Variants in ZNF444 observed in about 807,000 individuals in gnomAD.
ZNF444 encodes the protein zinc finger protein 444.
In ZNF444, 8 loss-of-function variants were observed where a neutral mutation model predicts 14.4. The observed-to-expected ratio is 0.56, with a 90% CI of 0.33 to 1.00. The LOEUF (loss-of-function observed/expected upper bound fraction) is 1.00. Ranked by LOEUF, ZNF444 falls within the 50% of genes least tolerant of loss-of-function variation. ZNF444 has a pLI of 0.03. For missense variants in ZNF444, 510 were observed against 504.8 expected (o/e 1.01, Z -0.10); for synonymous variants, 258 against 235.9 (o/e 1.09, Z -0.86).
At chr19:56,140,902 C>G (rs2030753350), upstream of ZNF444, 1 of 152,358 alleles carries the variant, frequency 6.6e-6, no homozygotes, top group Non-Finnish European at 1.5e-5. Context: ...TTTCCCGGCA[C>G]TTCTGCGCAT....
At chr19:56,148,204 T>G (rs973234191) in intron 3 of ZNF444, among the ~76,000 whole-genome samples, 4 of 151,948 alleles carry the variant, frequency 2.6e-5, no homozygotes, top group Admixed American at 2.0e-4. Flanking sequence ...GGGGCCTGGG[T>G]GATGAGCGGT....
chr19:56,153,717 A>G (rs960057154), intron 3 of ZNF444, among the ~76,000 whole-genome samples: 1 of 152,160 alleles, frequency 6.6e-6, no homozygotes, highest in Non-Finnish European at 1.5e-5. Flanking sequence ...GAGAAAAGCC[A>G]GTGGGGTAGG....
rs770557800 is a variant in ZNF444 at position 56,159,744 on chromosome 19, C to T, written c.527C>T (p.Pro176Leu). Residue 176 changes from proline (P) to leucine (L), a missense_variant, in exon 5 of 5, where the codon CCG becomes CTG. Physicochemically the swap from Pro to Leu is moderately conservative, Grantham distance 98. Coordinates refer to ENST00000337080, the MANE Select transcript of ZNF444 (RefSeq NM_018337.4). ...GGCCTGCCCGCCTTCCTAGCGGCCC[C>T]GGGCACCACGTCCTGCCCCGAGTGC... ...APGLPAFLAA[P>L]GTTSCPECGK... 1.3e-4 allele frequency: 208 copies of T among 1,586,126 alleles called. 1 individual carries two copies. The East Asian group carries it at 4.7e-3, about 36-fold the overall frequency.
chr19:56,143,807 C>T (rs1038502458), intron 1 of ZNF444, among the ~76,000 whole-genome samples: 5 of 151,886 alleles, frequency 3.3e-5, no homozygotes, highest in Admixed American at 6.6e-5. Flanking sequence ...ATAAGGGTGA[C>T]GTCTTAGCAA....
At position 56,160,134 on chromosome 19, in the gene ZNF444, G is replaced by T; in HGVS notation, c.917G>T (p.Ser306Ile). The T allele has an allele frequency of 1.3e-6, 2 of 1,483,240 alleles. No homozygotes were observed. Among genetic ancestry groups the T allele is most frequent in the Non-Finnish European group, 1.8e-6 (2 of 1,125,032 alleles). The allele number at this position is 1,483,240 out of a possible 1,614,324, so 91.9% of individuals were successfully genotyped here. The change falls in exon 5 of 5, where the codon AGC becomes ATC. Residue 306 changes from serine (S) to isoleucine (I), a missense_variant. Physicochemically the swap from Ser to Ile is moderately radical, Grantham distance 142. Coordinates refer to ENST00000337080, the MANE Select transcript of ZNF444 (RefSeq NM_018337.4). ...HQRIHGRAAA[S>I]AQGAVAPGPD... ...CGCATCCACGGCCGGGCAGCGGCCA[G>T]CGCGCAGGGGGCGGTAGCTCCGGGC...
chr19:56,160,419 C>CG lies in ZNF444; in HGVS notation c.*218_*219insG. On this transcript the variant is annotated 3_prime_UTR_variant, in exon 5 of 5. Coordinates refer to ENST00000337080, the MANE Select transcript of ZNF444 (RefSeq NM_018337.4). ...CTTCTCAGGTCTCACCTCAGCCCCC[C>CG]CCTTCTCCCTGATTTCTCGGCCTCT... 1 of 482,598 alleles carries CG rather than the reference C, an allele frequency of 2.1e-6. No homozygotes were observed. The highest frequency in any genetic ancestry group is 3.7e-5 in the East Asian group (1 of 27,304). The allele number at this position is 482,598 out of a possible 1,614,324, so 29.9% of individuals were successfully genotyped here.
intron 3 of ZNF444, among the ~76,000 whole-genome samples, chr19:56,153,596 G>A (rs1019593846): frequency 6.6e-6 from 1 of 152,210 alleles, no homozygotes; most frequent in Non-Finnish European, 1.5e-5. Flanking sequence ...TGTCCAGAAA[G>A]ATCGAATGAC....
chr19:56,158,830 C>T (rs530406046), intron 4 of ZNF444, among the ~76,000 whole-genome samples: 1 of 151,936 alleles, frequency 6.6e-6, no homozygotes, highest in Non-Finnish European at 1.5e-5. Flanking sequence ...AGCCATCATC[C>T]ACCCTCCACC....
At position 56,160,120 on chromosome 19, in the gene ZNF444, C is replaced by G. The variant is rs979888617; in HGVS notation, c.903C>G (p.Gly301=). The G allele has an allele frequency of 2.0e-6, 3 of 1,487,206 alleles. No individual in the cohort carries two copies. Among genetic ancestry groups the G allele is most frequent in the Non-Finnish European group, 8.9e-7 (1 of 1,125,984 alleles). The allele number at this position is 1,487,206 out of a possible 1,614,324, so 92.1% of individuals were successfully genotyped here. A position where few individuals can be genotyped will look rare whatever the true frequency, so the allele number is the denominator to read the frequency against. Residue 301 remains glycine (G), a synonymous_variant, in exon 5 of 5, where the codon GGC becomes GGG. Transcript: ENST00000337080. ...EHVLRHQRIH[G]RAAASAQGAV... is the part of the protein sequence containing the mutation. ...TGCTGCGCCACCAGCGCATCCACGG[C>G]CGGGCAGCGGCCAGCGCGCAGGGGG... is the stretch of plus-strand genomic sequence containing the variant.
upstream of ZNF444, among the ~76,000 whole-genome samples, chr19:56,136,906 T>G (rs2030624744): frequency 6.6e-6 from 1 of 151,956 alleles, no homozygotes; most frequent in Non-Finnish European, 1.5e-5. Flanking sequence ...TCAGCCTCCT[T>G]AGTAGCTGGG....
intron 3 of ZNF444, chr19:56,154,199 G>A (rs957796069): frequency 6.6e-6 from 1 of 152,208 alleles, no homozygotes; most frequent in Admixed American, 6.5e-5. Flanking sequence ...GGAAACCAGA[G>A]GGGGGAGATC....
rs113399814 is a variant in ZNF444, at chr19:56,145,597, T to TA, written c.-196-639dup. On this transcript the variant is annotated intron_variant, in intron 1 of 4. Transcript: ENST00000337080. The surrounding 1 kb of genome is among the most constrained non-coding windows in gnomAD (Gnocchi z 4.3). The stretch of plus-strand genomic sequence containing the variant: ...CGAGACTCCATCTCAAAACAAAAAT[T>TA]AAAAAAAAAAATAGAGACAGGAGAG... 8.2e-5 allele frequency among the ~76,000 whole-genome samples: 12 copies of TA among 145,574 alleles called. No homozygotes were observed. Among genetic ancestry groups the TA allele is most frequent in the South Asian group, 4.4e-4 (2 of 4,584 alleles).
chr19:56,150,894 G>C, intron 3 of ZNF444: 1 of 358,530 alleles, frequency 2.8e-6, no homozygotes, highest in Non-Finnish European at 5.4e-6. Flanking sequence ...GCTGACATCT[G>C]GGGGCGCTGC....
chr19:56,160,877 C>G lies in ZNF444; in HGVS notation c.*676C>G, dbSNP rs1262955717. On this transcript the variant is annotated 3_prime_UTR_variant, in exon 5 of 5. Coordinates refer to ENST00000337080, the MANE Select transcript of ZNF444 (RefSeq NM_018337.4). Reference sequence around the variant, plus strand: ...CAGCATCCATAGAGTAATAAAGTCACTGTGTGTAGACCCGGAGTCTGAGCT... The same window carrying G: ...CAGCATCCATAGAGTAATAAAGTCAGTGTGTGTAGACCCGGAGTCTGAGCT... The G allele has an allele frequency of 6.5e-6, 1 of 152,790 alleles. No individual in the cohort carries two copies. The highest frequency in any genetic ancestry group is 1.5e-5 in the Non-Finnish European group (1 of 68,208). 9.5% of individuals were successfully genotyped at this position (152,790 alleles called of 1,614,324 possible). A position where few individuals can be genotyped will look rare whatever the true frequency, so the allele number is the denominator to read the frequency against.
Position 56,160,133 on chromosome 19 carries a change from A to T in ZNF444, c.916A>T (p.Ser306Cys). The T allele has an allele frequency of 1.3e-6, 2 of 1,482,452 alleles. No homozygotes were observed. The highest frequency in any genetic ancestry group is 1.8e-6 in the Non-Finnish European group (2 of 1,124,596). 91.8% of individuals were successfully genotyped at this position (1,482,452 alleles called of 1,614,324 possible). ...HQRIHGRAAA[S>C]AQGAVAPGPD... is the part of the protein sequence containing the mutation. ...GCGCATCCACGGCCGGGCAGCGGCC[A>T]GCGCGCAGGGGGCGGTAGCTCCGGG... The change falls in exon 5 of 5, where the codon AGC becomes TGC. Residue 306 changes from serine (S) to cysteine (C), a missense_variant. Transcript: ENST00000337080.
chr19:56,160,173 G>T lies in ZNF444; in HGVS notation c.956G>T (p.Gly319Val). The change falls in exon 5 of 5, where the codon GGC becomes GTC. Residue 319 changes from glycine to valine, a missense_variant. Transcript: ENST00000337080. ...GAVAPGPDGG[G>V]PFPPWPLG ...GTAGCTCCGGGCCCGGATGGTGGAG[G>T]CCCCTTCCCGCCCTGGCCCTTGGGT... 2 of 1,471,298 alleles carry T rather than the reference G, an allele frequency of 1.4e-6. No individual in the cohort carries two copies. Among genetic ancestry groups the T allele is most frequent in the Non-Finnish European group, 1.8e-6 (2 of 1,121,270 alleles). 91.1% of individuals were successfully genotyped at this position (1,471,298 alleles called of 1,614,324 possible). A position where few individuals can be genotyped will look rare whatever the true frequency, so the allele number is the denominator to read the frequency against.
chr19:56,157,490 G>C (rs887577391), intron 3 of ZNF444: 5 of 149,506 alleles, frequency 3.3e-5, no homozygotes, highest in African/African-American at 1.2e-4. Context: ...TGCAACCTCC[G>C]CCTCCCGGGT....
intron 3 of ZNF444, among the ~76,000 whole-genome samples, chr19:56,148,955 G>C (rs1418349005): frequency 6.6e-6 from 1 of 152,146 alleles, no homozygotes; most frequent in Non-Finnish European, 1.5e-5. Flanking sequence ...GCTCCTAGAG[G>C]CTGCCCGCAT....
upstream of ZNF444, among the ~76,000 whole-genome samples, chr19:56,138,742 T>C (rs899030111): frequency 3.4e-5 from 5 of 147,938 alleles, no homozygotes; most frequent in African/African-American, 1.2e-4. Flanking sequence ...TTTGGGAAGA[T>C]GAAAAATTCG....
Sources: allele counts gnomAD v4.1 joint callset (sites outside exome capture counted in the v4.1 genomes callset), GRCh38; gene constraint gnomAD v4.1.1; non-coding constraint Gnocchi (gnomAD v3.1); transcripts MANE v1.5; gene names NCBI Gene and HGNC (gene_info 2026-07-23, HGNC 2026-07-21).